Variants in ZFAND3 observed in about 807,000 individuals in gnomAD.
ZFAND3 encodes AN1-type zinc finger protein 3.
In ZFAND3, 10 loss-of-function variants were observed where a neutral mutation model predicts 29.6. The observed-to-expected ratio is 0.34, with a 90% CI of 0.21 to 0.57. The LOEUF is 0.57. Ranked by LOEUF, ZFAND3 falls within the 20% of genes least tolerant of loss-of-function variation. The probability of loss-of-function intolerance (pLI) is 0.86; values close to 1 mark genes in which losing one functional copy is unlikely to be tolerated. For missense variants in ZFAND3, 230 were observed against 304.5 expected (o/e 0.76, Z 1.82); for synonymous variants, 128 against 112.6 (o/e 1.14, Z -0.87).
At chr6:37,875,545 T>A (rs1275685484) in intron 1 of ZFAND3, among the ~76,000 whole-genome samples, 1 of 152,046 alleles carries the variant, frequency 6.6e-6, no homozygotes, top group Non-Finnish European at 1.5e-5. Flanking sequence ...TAAAGATAAA[T>A]CTGTTATCAG....
chr6:38,139,234 C>T (rs188192963), intron 5 of ZFAND3, among the ~76,000 whole-genome samples: 1 of 152,146 alleles, frequency 6.6e-6, no homozygotes, highest in African/African-American at 2.4e-5. Flanking sequence ...TCAGAGAACA[C>T]AGTCTTTCTA....
At chr6:37,960,899 A>AT (rs1395067295) in intron 2 of ZFAND3, among the ~76,000 whole-genome samples, 1 of 151,880 alleles carries the variant, frequency 6.6e-6, no homozygotes, top group Non-Finnish European at 1.5e-5. Flanking sequence ...GGGCAACATA[A>AT]TGAGACCCCA....
intron 2 of ZFAND3, among the ~76,000 whole-genome samples, chr6:37,996,469 G>C (rs1206583526): frequency 6.6e-6 from 1 of 152,168 alleles, no homozygotes; most frequent in African/African-American, 2.4e-5. Flanking sequence ...TAGTTTAGCA[G>C]AGCCTAGATT....
At chr6:37,962,328 G>A (rs779151130) in intron 2 of ZFAND3, among the ~76,000 whole-genome samples, 3 of 152,176 alleles carry the variant, frequency 2.0e-5, no homozygotes, top group Non-Finnish European at 4.4e-5. Context: ...AAGTAACAAT[G>A]AAGCATGCCT....
chr6:37,879,519 T>C (rs1414008970), intron 1 of ZFAND3, among the ~76,000 whole-genome samples: 1 of 152,182 alleles, frequency 6.6e-6, no homozygotes, highest in Non-Finnish European at 1.5e-5. Flanking sequence ...TCTGTGTAAC[T>C]GACAAATATA....
intron 5 of ZFAND3, among the ~76,000 whole-genome samples, chr6:38,129,454 A>G (rs768901445): frequency 1.1e-4 from 17 of 152,144 alleles, no homozygotes; most frequent in Non-Finnish European, 2.4e-4. Flanking sequence ...TTTTAGTTTT[A>G]GGTCTTAGAT....
chr6:38,093,876 G>A (rs1764921302), intron 4 of ZFAND3, among the ~76,000 whole-genome samples: 2 of 152,072 alleles, frequency 1.3e-5, no homozygotes, highest in African/African-American at 4.8e-5. Flanking sequence ...TGGTGTGGAG[G>A]TGGTTAAAAT....
intron 2 of ZFAND3, among the ~76,000 whole-genome samples, chr6:37,987,879 A>G (rs1241388823): frequency 3.3e-5 from 5 of 152,230 alleles, no homozygotes; most frequent in Non-Finnish European, 5.9e-5. Context: ...ACTGTTGGAC[A>G]TGCCTTCAAA....
chr6:37,925,174 T>C (rs1490985337), intron 1 of ZFAND3, among the ~76,000 whole-genome samples: 1 of 152,166 alleles, frequency 6.6e-6, no homozygotes, highest in East Asian at 1.9e-4. Flanking sequence ...ACGCTCCAAC[T>C]TGTTTTAAAA....
At chr6:37,903,983 C>T (rs574888915) in intron 1 of ZFAND3, among the ~76,000 whole-genome samples, 4 of 152,122 alleles carry the variant, frequency 2.6e-5, no homozygotes, top group Non-Finnish European at 5.9e-5. Flanking sequence ...ATAACTATAG[C>T]CTACAGTTTT....
intron 3 of ZFAND3, among the ~76,000 whole-genome samples, chr6:38,073,280 A>G (rs1425562765): frequency 6.6e-6 from 1 of 151,386 alleles, no homozygotes; most frequent in East Asian, 2.0e-4. Flanking sequence ...GCCTTTTTTC[A>G]GTAGCTGCTG....
At chr6:38,043,545 CTCCCCTCTTCCTCCT>C (rs763146768) in intron 2 of ZFAND3, among the ~76,000 whole-genome samples, 10 of 147,616 alleles carry the variant, frequency 6.8e-5, no homozygotes, top group Non-Finnish European at 1.2e-4. Flanking sequence ...CTCCCCTTTT[CTCCCCTCTTCCTCCT>C]TCCCCTCTTC....
At chr6:37,900,356 C>G (rs1765297314) in intron 1 of ZFAND3, among the ~76,000 whole-genome samples, 1 of 152,146 alleles carries the variant, frequency 6.6e-6, no homozygotes, top group South Asian at 2.1e-4. Flanking sequence ...AAATTTTACT[C>G]TCTTGGAATA....
intron 2 of ZFAND3, among the ~76,000 whole-genome samples, chr6:37,943,470 A>G (rs1171110197): frequency 4.6e-5 from 7 of 152,190 alleles, no homozygotes. Flanking sequence ...ATAAAGTGAC[A>G]GTGTTTTCCT....
intron 2 of ZFAND3, among the ~76,000 whole-genome samples, chr6:37,953,380 C>A (rs1158568786): frequency 6.7e-6 from 1 of 148,284 alleles, no homozygotes; most frequent in Non-Finnish European, 1.5e-5. Context: ...AATATACTTT[C>A]ATTTCTTCCT....
intron 5 of ZFAND3, among the ~76,000 whole-genome samples, chr6:38,150,506 GT>G (rs1766199809): frequency 6.6e-6 from 1 of 152,214 alleles, no homozygotes; most frequent in Non-Finnish European, 1.5e-5. Flanking sequence ...CAGCCATTGA[GT>G]ACATCACACA....
chr6:38,099,989 G>A (rs1712152042), intron 4 of ZFAND3, among the ~76,000 whole-genome samples: 1 of 152,266 alleles, frequency 6.6e-6, no homozygotes, highest in South Asian at 2.1e-4. Flanking sequence ...GGCATTAACT[G>A]ATAGTTCCTG....
chr6:38,107,148 G>A (rs1765226446), intron 4 of ZFAND3, among the ~76,000 whole-genome samples: 1 of 152,202 alleles, frequency 6.6e-6, no homozygotes, highest in Admixed American at 6.5e-5. Context: ...CCATTGGAAA[G>A]GAGATAATTG....
intron 1 of ZFAND3, among the ~76,000 whole-genome samples, chr6:37,892,224 C>G (rs1431769779): frequency 6.6e-6 from 1 of 152,174 alleles, no homozygotes; most frequent in African/African-American, 2.4e-5. Flanking sequence ...ACAGCATACT[C>G]TTAAACAATT....
Sources: allele counts gnomAD v4.1 joint callset (sites outside exome capture counted in the v4.1 genomes callset), GRCh38; gene constraint gnomAD v4.1.1; transcripts MANE v1.5; gene names NCBI Gene and HGNC (gene_info 2026-07-23, HGNC 2026-07-21).